Variants in PTH2R observed in about 807,000 individuals in gnomAD.
The protein encoded by PTH2R is PTH2 receptor.
Under a neutral mutation model 60.3 loss-of-function variants are expected in PTH2R, and 59 were observed. The observed-to-expected ratio is 0.98, with a 90% CI of 0.79 to 1.22. The LOEUF (loss-of-function observed/expected upper bound fraction) is 1.22, where lower values mean the gene tolerates loss of function less well. Among genes scored for constraint, PTH2R ranks in the 50% most tolerant of loss-of-function variants. PTH2R has a pLI of 0.00. For missense variants in PTH2R, 749 were observed against 682.6 expected, an observed-to-expected ratio of 1.10 and a Z score of -1.08; for synonymous variants, 256 against 243.8, an observed-to-expected ratio of 1.05 and a Z score of -0.47.
chr2:208,387,777 T>G (rs894586964), intron 1 of PTH2R, among the ~76,000 whole-genome samples: 3 of 152,234 alleles, frequency 2.0e-5, no homozygotes, highest in African/African-American at 4.8e-5. Flanking sequence ...GAGACCTGTA[T>G]GTCTCACTCA....
At chr2:208,398,785 G>A (rs1002948101) in intron 1 of PTH2R, among the ~76,000 whole-genome samples, 10 of 152,276 alleles carry the variant, frequency 6.6e-5, no homozygotes, top group Non-Finnish European at 1.2e-4. Flanking sequence ...TGTATCTCTT[G>A]TGATAACACA....
intron 1 of PTH2R, among the ~76,000 whole-genome samples, chr2:208,425,046 A>G (rs560086872): frequency 6.6e-6 from 1 of 152,326 alleles, no homozygotes; most frequent in Non-Finnish European, 1.5e-5. Context: ...AGATCAATGG[A>G]CTAAATAAAA....
At chr2:208,453,887 T>TA (rs1702457641) in intron 8 of PTH2R, among the ~76,000 whole-genome samples, 1 of 152,224 alleles carries the variant, frequency 6.6e-6, no homozygotes. Flanking sequence ...CAATAAATGT[T>TA]ACCTTCATTG....
At chr2:208,458,446 T>A (rs555202659) in intron 8 of PTH2R, among the ~76,000 whole-genome samples, 27 of 152,292 alleles carry the variant, frequency 1.8e-4, no homozygotes, top group Admixed American at 4.6e-4. Context: ...CAAAGATTTT[T>A]AAAAAAATTT....
intron 1 of PTH2R, among the ~76,000 whole-genome samples, chr2:208,363,894 T>C (rs1428883403): frequency 6.6e-6 from 1 of 152,204 alleles, no homozygotes; most frequent in Non-Finnish European, 1.5e-5. Context: ...TTAAGTTTCA[T>C]GTAGATTCTG....
At chr2:208,428,402 C>A in intron 2 of PTH2R, 99 bp downstream of exon 2, 1 of 791,800 alleles carries the variant, frequency 1.3e-6, no homozygotes, top group Non-Finnish European at 2.1e-6. Flanking sequence ...AGATCCTTAT[C>A]AGTCAATCCA....
intron 9 of PTH2R, among the ~76,000 whole-genome samples, chr2:208,470,599 A>G (rs1402829843): frequency 6.6e-6 from 1 of 152,130 alleles, no homozygotes; most frequent in Non-Finnish European, 1.5e-5. Context: ...ATCTTCTGTC[A>G]TGATTTGAGG....
At chr2:208,459,730 T>G (rs1457454108) in intron 8 of PTH2R, among the ~76,000 whole-genome samples, 165 bp from the exon 9 acceptor site, 2 of 152,144 alleles carry the variant, frequency 1.3e-5, no homozygotes, top group African/African-American at 4.8e-5. Flanking sequence ...CCCGTTACAC[T>G]TTTTCCCCCC....
chr2:208,397,411 T>C (rs1701231542), intron 1 of PTH2R, among the ~76,000 whole-genome samples: 1 of 152,132 alleles, frequency 6.6e-6, no homozygotes, highest in South Asian at 2.1e-4. Context: ...TCCTGGCCAA[T>C]GCACCAAAAT....
intron 1 of PTH2R, among the ~76,000 whole-genome samples, chr2:208,421,370 G>T (rs1167182919): frequency 6.6e-6 from 1 of 151,748 alleles, no homozygotes. Flanking sequence ...TTGGGGGTGT[G>T]TGTGTGTGTG....
intron 12 of PTH2R, 103 bp from the exon 13 acceptor site, chr2:208,493,161 C>T (rs1357999449): frequency 1.6e-6 from 2 of 1,245,118 alleles, no homozygotes; most frequent in Non-Finnish European, 2.1e-6. Flanking sequence ...GAACCTCAAT[C>T]AATGATTATT....
At chr2:208,435,055 A>G (rs1574869643) in intron 2 of PTH2R, among the ~76,000 whole-genome samples, 1 of 152,364 alleles carries the variant, frequency 6.6e-6, no homozygotes, top group Middle Eastern at 3.4e-3. Context: ...AAGCAAATCA[A>G]GTATTTGTTT....
intron 8 of PTH2R, among the ~76,000 whole-genome samples, chr2:208,453,364 T>C (rs1415375691): frequency 6.6e-6 from 1 of 152,252 alleles, no homozygotes; most frequent in Non-Finnish European, 1.5e-5. Context: ...TAACTACAAA[T>C]GCTCTACCTT....
At chr2:208,366,484 T>C (rs1700595866) in intron 1 of PTH2R, among the ~76,000 whole-genome samples, 1 of 152,196 alleles carries the variant, frequency 6.6e-6, no homozygotes, top group African/African-American at 2.4e-5. Context: ...CTTGTCTTGC[T>C]AGTAAAGAAA....
At chr2:208,371,916 A>G (rs4675762) in intron 1 of PTH2R, among the ~76,000 whole-genome samples, 66,006 of 151,598 alleles carry the variant, frequency 0.44, 16,140 homozygotes, top group Admixed American at 0.54. Flanking sequence ...GAAAATCTCA[A>G]TAGTTGACAC....
intron 7 of PTH2R, among the ~76,000 whole-genome samples, chr2:208,450,165 C>G (rs1235217044): frequency 6.6e-6 from 1 of 152,150 alleles, no homozygotes; most frequent in Non-Finnish European, 1.5e-5. Context: ...ATATCTCGCG[C>G]TCAAATCATC....
chr2:208,492,199 C>G (rs1293402112), intron 12 of PTH2R, among the ~76,000 whole-genome samples: 1 of 152,206 alleles, frequency 6.6e-6, no homozygotes, highest in Non-Finnish European at 1.5e-5. Context: ...TATCCACGAG[C>G]CTTCTTTTCT....
At chr2:208,473,639 C>T (rs1274694067) in intron 9 of PTH2R, among the ~76,000 whole-genome samples, 3 of 152,144 alleles carry the variant, frequency 2.0e-5, no homozygotes, top group East Asian at 1.9e-4. Flanking sequence ...CCTGTGTGCT[C>T]CTCATGGGGA....
chr2:208,443,096 C>G (rs1475866813), intron 5 of PTH2R, among the ~76,000 whole-genome samples: 2 of 152,154 alleles, frequency 1.3e-5, no homozygotes, highest in Non-Finnish European at 2.9e-5. Context: ...ATAGCATTCA[C>G]ATTGTATTTG....
Sources: gnomAD v4.1 joint callset for allele counts (sites outside exome capture counted in the v4.1 genomes callset) on GRCh38, gnomAD v4.1.1 for gene constraint, MANE v1.5 for transcripts, NCBI Gene and HGNC (gene_info 2026-07-23, HGNC 2026-07-21) for gene names.